The following CACNB2 variants were observed in gnomAD, a reference collection of about 807,000 sequenced individuals.
CACNB2 encodes calcium voltage-gated channel auxiliary subunit beta 2, also known as voltage-dependent L-type calcium channel subunit beta-2.
In CACNB2, 42 loss-of-function variants were observed where a neutral mutation model predicts 73.3. The observed-to-expected ratio is 0.57, with a 90% CI of 0.45 to 0.74. CACNB2 has a LOEUF of 0.74. Ranked by LOEUF, CACNB2 falls within the 30% of genes least tolerant of loss-of-function variation. The pLI is 0.00. For missense variants in CACNB2, 940 were observed against 853.0 expected, an observed-to-expected ratio of 1.10 and a Z score of -1.27; for synonymous variants, 348 against 310.3, an observed-to-expected ratio of 1.12 and a Z score of -1.28.
intron 2 of CACNB2, among the ~76,000 whole-genome samples, chr10:18,309,075 T>C (rs1048197981): frequency 6.6e-6 from 1 of 152,160 alleles, no homozygotes; most frequent in Non-Finnish European, 1.5e-5. Context: ...ATTTTTTCAC[T>C]AAAATGAATA....
chr10:18,380,452 C>CTTTTTTTTTTTTTTT (rs757792853), intron 2 of CACNB2, among the ~76,000 whole-genome samples: 1 of 111,022 alleles, frequency 9.0e-6, no homozygotes, highest in Non-Finnish European at 1.8e-5. Flanking sequence ...ATGTGTTTTT[C>CTTTTTTTTTTTTTTT]TTTTTTTTTT....
chr10:18,213,642 G>GTGTGTTTTC (rs2035404816), intron 2 of CACNB2, among the ~76,000 whole-genome samples: 1 of 152,180 alleles, frequency 6.6e-6, no homozygotes, highest in Non-Finnish European at 1.5e-5. Flanking sequence ...AACATTATTG[G>GTGTGTTTTC]TGTGTTTTCA....
At chr10:18,209,669 G>T (rs2035239030) in intron 2 of CACNB2, among the ~76,000 whole-genome samples, 2 of 152,126 alleles carry the variant, frequency 1.3e-5, no homozygotes, top group South Asian at 2.1e-4. Flanking sequence ...CAAACTTGAT[G>T]TTTTGAACAT....
chr10:18,158,635 A>G (rs1469277116), intron 2 of CACNB2, among the ~76,000 whole-genome samples: 2 of 152,186 alleles, frequency 1.3e-5, no homozygotes, highest in African/African-American at 4.8e-5. Flanking sequence ...TATTAAGTGA[A>G]TTAGTTTTTC....
At chr10:18,182,426 A>G (rs1480706538) in intron 2 of CACNB2, among the ~76,000 whole-genome samples, 2 of 152,092 alleles carry the variant, frequency 1.3e-5, no homozygotes, top group African/African-American at 4.8e-5. Context: ...GAGTTCAATA[A>G]TAATTCATTA....
intron 2 of CACNB2, among the ~76,000 whole-genome samples, chr10:18,358,345 C>G (rs1012934143): frequency 2.0e-5 from 3 of 152,206 alleles, no homozygotes; most frequent in Non-Finnish European, 4.4e-5. Flanking sequence ...ACCTCAGACT[C>G]CCAGAGTCCT....
chr10:18,383,672 T>G (rs2043107764), intron 2 of CACNB2, among the ~76,000 whole-genome samples: 2 of 152,074 alleles, frequency 1.3e-5, no homozygotes, highest in Admixed American at 1.3e-4. Context: ...GGGGAGATAT[T>G]AAGCAGAGAA....
intron 2 of CACNB2, among the ~76,000 whole-genome samples, chr10:18,398,228 A>C (rs930464585): frequency 5.9e-5 from 9 of 152,212 alleles, no homozygotes; most frequent in Non-Finnish European, 1.2e-4. Flanking sequence ...GGCATATGTC[A>C]GGAGGGTGAC....
chr10:18,159,178 C>T (rs2032273402), intron 2 of CACNB2, among the ~76,000 whole-genome samples: 1 of 152,044 alleles, frequency 6.6e-6, no homozygotes, highest in Non-Finnish European at 1.5e-5. Flanking sequence ...GCCAGCTTTG[C>T]TTTATTTTTA....
At chr10:18,153,563 CTTAT>C (rs57218845) in intron 2 of CACNB2, among the ~76,000 whole-genome samples, 421 of 142,736 alleles carry the variant, frequency 2.9e-3, no homozygotes, top group South Asian at 8.9e-3. Context: ...CTAGATTTTA[CTTAT>C]TTATTTATTT....
At chr10:18,484,107 A>C (rs1400179499) in intron 3 of CACNB2, among the ~76,000 whole-genome samples, 1 of 152,120 alleles carries the variant, frequency 6.6e-6, no homozygotes, top group Admixed American at 6.5e-5. Context: ...GTTTAAGAAA[A>C]ACAAGGCCAG....
intron 11 of CACNB2, among the ~76,000 whole-genome samples, chr10:18,535,254 C>A (rs1456550671): frequency 6.6e-6 from 1 of 152,060 alleles, no homozygotes; most frequent in Non-Finnish European, 1.5e-5. Context: ...TTTAAGGAAC[C>A]ACCATTTGTT....
intron 4 of CACNB2, among the ~76,000 whole-genome samples, chr10:18,500,259 G>A (rs979291156): frequency 2.0e-5 from 3 of 152,170 alleles, no homozygotes; most frequent in African/African-American, 4.8e-5. Flanking sequence ...AAATCACAAA[G>A]ATTTAAGATA....
intron 3 of CACNB2, among the ~76,000 whole-genome samples, chr10:18,473,542 C>T (rs555915470): frequency 6.6e-6 from 1 of 152,244 alleles, no homozygotes; most frequent in South Asian, 2.1e-4. Flanking sequence ...TGAAAATAGC[C>T]TTAATGACGC....
chr10:18,521,266 A>T (rs1266147622), intron 9 of CACNB2, among the ~76,000 whole-genome samples: 2 of 152,238 alleles, frequency 1.3e-5, no homozygotes, highest in Non-Finnish European at 2.9e-5. Context: ...CACCAACTTC[A>T]GGACATCCAC....
intron 2 of CACNB2, among the ~76,000 whole-genome samples, chr10:18,288,866 G>A (rs1416939546): frequency 6.6e-6 from 1 of 152,172 alleles, no homozygotes; most frequent in Non-Finnish European, 1.5e-5. Flanking sequence ...TCAACACGGT[G>A]AAACCCTGTC....
chr10:18,349,355 A>G (rs1239984712), intron 2 of CACNB2, among the ~76,000 whole-genome samples: 1 of 152,242 alleles, frequency 6.6e-6, no homozygotes, highest in Non-Finnish European at 1.5e-5. Flanking sequence ...GAGCTCCGGC[A>G]TACTACAATG....
chr10:18,454,183 C>T (rs1433823319), intron 3 of CACNB2, among the ~76,000 whole-genome samples: 1 of 152,044 alleles, frequency 6.6e-6, no homozygotes, highest in African/African-American at 2.4e-5. Flanking sequence ...GGGTTCTGTC[C>T]CTTAGGAACA....
intron 1 of CACNB2, among the ~76,000 whole-genome samples, chr10:18,143,763 C>T (rs554877900): frequency 2.0e-5 from 3 of 152,172 alleles, no homozygotes; most frequent in African/African-American, 4.8e-5. Context: ...TATGTGGCAC[C>T]GAGTAATTCT....
Sources: allele counts gnomAD v4.1 joint callset (sites outside exome capture counted in the v4.1 genomes callset), GRCh38; gene constraint gnomAD v4.1.1; transcripts MANE v1.5; gene names NCBI Gene and HGNC (gene_info 2026-07-23, HGNC 2026-07-21).